MACF1: variants seen among roughly 807,000 people sequenced by gnomAD.
MACF1 encodes the protein microtubule actin crosslinking factor 1, also known as microtubule-actin cross-linking factor 1.
A neutral mutation model predicts 854.8 loss-of-function variants in MACF1; 193 were observed. That is an observed-to-expected ratio of 0.23 (90% CI 0.20 to 0.25). MACF1 has a LOEUF of 0.25. MACF1 is among the 10% of genes least tolerant of loss of function. The probability of loss-of-function intolerance (pLI) is 1.00; values close to 1 mark genes in which losing one functional copy is unlikely to be tolerated. For missense variants in MACF1, 7,722 were observed against 8,929.1 expected (o/e 0.86, Z 5.45); for synonymous variants, 3,185 against 3,226.7 (o/e 0.99, Z 0.44).
chr1:39,481,078 C>T (rs1246893664), intron 99 of MACF1, 48 bp downstream of exon 99: 11 of 1,157,236 alleles, frequency 9.5e-6, no homozygotes, highest in African/African-American at 7.7e-5. Flanking sequence ...ACGAGGCCCT[C>T]GCTACTGGAC....
intron 2 of MACF1, among the ~76,000 whole-genome samples, chr1:39,174,392 T>C (rs907782623): frequency 6.6e-6 from 1 of 152,224 alleles, no homozygotes; most frequent in African/African-American, 2.4e-5. Context: ...CAGTAAATAT[T>C]ACTGCTACTG....
Position 39,359,267 on chromosome 1 carries a change from A to G in MACF1, c.12244+3A>G. The G allele has an allele frequency of 6.2e-7, 1 of 1,614,162 alleles. No individual in the cohort carries two copies. Among genetic ancestry groups the G allele is most frequent in the Non-Finnish European group, 8.5e-7 (1 of 1,180,004 alleles). On this transcript the variant is annotated splice_donor_region_variant and intron_variant, in intron 47 of 100. Coordinates refer to ENST00000564288, the MANE Select transcript of MACF1 (RefSeq NM_001394062.1). The stretch of plus-strand genomic sequence containing the variant: ...CAGGCATGTTCAAGAAACTACAGGT[A>G]TAAAGCAGCAACAGTATAATAGTAC...
In MACF1 at chr1:39,292,018, A is replaced by G. The variant is rs905222447; in HGVS notation, c.1894A>G (p.Lys632Glu). The G allele has an allele frequency of 6.2e-7, 1 of 1,613,860 alleles. No homozygotes were observed. Among genetic ancestry groups the G allele is most frequent in the African/African-American group, 1.3e-5 (1 of 74,908 alleles). Residue 632 changes from lysine to glutamate, a missense_variant, in exon 16 of 101, where the codon AAG becomes GAG. Coordinates refer to ENST00000564288, the MANE Select transcript of MACF1 (RefSeq NM_001394062.1). ...TGTAGAAGAGCTGGGCTCAAGTGTC[A>G]AGGAGGCCAGGTTGTATGAGGTGCG... ...TSVEELGSSV[K>E]EARLYEGKMS...
At chr1:39,243,790 T>C (rs1346863531) in intron 2 of MACF1, among the ~76,000 whole-genome samples, 1 of 152,162 alleles carries the variant, frequency 6.6e-6, no homozygotes, top group Non-Finnish European at 1.5e-5. Context: ...GCAGAAGAGA[T>C]GAGGATTTTA....
chr1:39,109,215 A>G (rs1642330104), intron 2 of MACF1, among the ~76,000 whole-genome samples: 4 of 152,170 alleles, frequency 2.6e-5, no homozygotes, highest in South Asian at 4.1e-4. Flanking sequence ...CTTGGGATTC[A>G]TGAGAATATA....
At chr1:39,432,133 C>T (rs1643885698) in intron 66 of MACF1, among the ~76,000 whole-genome samples, 1 of 152,194 alleles carries the variant, frequency 6.6e-6, no homozygotes, top group Non-Finnish European at 1.5e-5. Flanking sequence ...TCCGAGTTAA[C>T]TTGACTCATC....
Position 39,430,076 on chromosome 1 carries a change from G to A in MACF1, c.17130+8G>A, listed in dbSNP as rs756491271. The A allele has an allele frequency of 1.2e-6, 2 of 1,604,552 alleles. No homozygotes were observed. The highest frequency in any genetic ancestry group is 4.5e-5 in the East Asian group (2 of 44,786). ...TTTCAGCAGAGACAGAAGGTGAGCT[G>A]TTACTTTACCATAAAAAGAAAAAAA... On this transcript the variant is annotated splice_region_variant and intron_variant, in intron 65 of 100. Coordinates refer to ENST00000564288, the MANE Select transcript of MACF1 (RefSeq NM_001394062.1).
At chr1:39,268,987 C>T in intron 6 of MACF1, 1 of 1,287,144 alleles carries the variant, frequency 7.8e-7, no homozygotes, top group Non-Finnish European at 1.0e-6. Context: ...GCCCCCAACT[C>T]ACGGGTAGTC....
intron 70 of MACF1, chr1:39,436,379 C>A: frequency 8.3e-7 from 1 of 1,206,354 alleles, no homozygotes; most frequent in South Asian, 1.2e-5. Context: ...TCCCATCTCT[C>A]ACTCACATTG....
In MACF1 at chr1:39,387,744, A is replaced by T; in HGVS notation, c.14902A>T (p.Ile4968Phe). The change falls in exon 58 of 101, where the codon ATT becomes TTT. Residue 4968 changes from isoleucine (I) to phenylalanine (F), a missense_variant. Coordinates refer to ENST00000564288, the MANE Select transcript of MACF1 (RefSeq NM_001394062.1). ...LLEILNSAAD[I>F]LINSSEADED... ...GGAAATATTGAATAGTGCTGCTGACATTCTGATCAATTCTTCAGAAGCAGA... is the reference window on the plus strand; with the variant it reads ...GGAAATATTGAATAGTGCTGCTGACTTTCTGATCAATTCTTCAGAAGCAGA... The T allele has an allele frequency of 6.2e-7, 1 of 1,614,162 alleles. No homozygotes were observed. Among genetic ancestry groups the T allele is most frequent in the Non-Finnish European group, 8.5e-7 (1 of 1,180,026 alleles).
At chr1:39,262,716 G>C (rs934110994) in intron 6 of MACF1, among the ~76,000 whole-genome samples, 14 of 152,198 alleles carry the variant, frequency 9.2e-5, no homozygotes, top group African/African-American at 2.7e-4. Context: ...CTTTGGCCTA[G>C]TCTGTCTTCT....
intron 41 of MACF1, among the ~76,000 whole-genome samples, chr1:39,348,445 T>C (rs1647105364): frequency 6.6e-6 from 1 of 152,250 alleles, no homozygotes; most frequent in Admixed American, 6.5e-5. Flanking sequence ...AGAAATGCTC[T>C]GCTTCTCTCA....
chr1:39,290,438 G>A (rs896652200), intron 15 of MACF1, among the ~76,000 whole-genome samples: 1 of 152,070 alleles, frequency 6.6e-6, no homozygotes, highest in African/African-American at 2.4e-5. Flanking sequence ...CTATAGCTCT[G>A]CAGTATAATT....
At chr1:39,462,087 A>G in intron 93 of MACF1, 50 bp downstream of exon 93, 2 of 1,586,014 alleles carry the variant, frequency 1.3e-6, no homozygotes, top group Middle Eastern at 1.7e-4. Flanking sequence ...TAGGTTTGTA[A>G]TATCCTGAAT....
Position 39,319,745 on chromosome 1 carries a change from A to G in MACF1, c.4027A>G (p.Lys1343Glu). The G allele has an allele frequency of 6.2e-7, 1 of 1,608,698 alleles. No individual in the cohort carries two copies. Among genetic ancestry groups the G allele is most frequent in the Non-Finnish European group, 8.5e-7 (1 of 1,176,254 alleles). ...KFSQQYSTIV[K>E]DYELQLMTYK... ...TTCCCAGCAGTACTCTACTATTGTAAAGGTAACTTTACCACATCCCAAAAA... is the reference window on the plus strand; with the variant it reads ...TTCCCAGCAGTACTCTACTATTGTAGAGGTAACTTTACCACATCCCAAAAA... The change falls in exon 31 of 101, where the codon AAG (lysine) becomes GAG (glutamate). Residue 1343 changes from lysine (K) to glutamate (E), a missense_variant and splice_region_variant. Around this residue, in one of 15 missense-constraint regions of MACF1, gnomAD observed 1,137 missense variants for 1,263.0 expected, o/e 0.90. Coordinates refer to ENST00000564288, the MANE Select transcript of MACF1 (RefSeq NM_001394062.1).
intron 28 of MACF1, among the ~76,000 whole-genome samples, chr1:39,316,866 G>C (rs1045513650): frequency 6.6e-6 from 1 of 152,198 alleles, no homozygotes; most frequent in Admixed American, 6.5e-5. Context: ...CACTCTGTGA[G>C]GTGGACAAGA....
intron 2 of MACF1, among the ~76,000 whole-genome samples, chr1:39,185,239 C>A (rs1255247204): frequency 6.6e-6 from 1 of 151,118 alleles, no homozygotes; most frequent in Non-Finnish European, 1.5e-5. Context: ...TTGCAGTGAG[C>A]CGACATGGCA....
In MACF1 at chr1:39,460,833, G is replaced by C. The variant is rs762992362; in HGVS notation, c.21523+39G>C. ...TCATTCCAAACATGGGTCACACCTG[G>C]ATTCCTTGCACTTTGTAGAAGCTGT... On this transcript the variant is annotated intron_variant, in intron 92 of 100. Coordinates refer to ENST00000564288, the MANE Select transcript of MACF1 (RefSeq NM_001394062.1). The surrounding 1 kb of genome is among the most constrained non-coding windows in gnomAD (Gnocchi z 4.1). 8.1e-6 allele frequency: 13 copies of C among 1,608,634 alleles called. No homozygotes were observed. The highest frequency in any genetic ancestry group is 1.0e-5 in the Non-Finnish European group (12 of 1,175,388).
chr1:39,218,499 A>C (rs982488085), intron 1 of MACF1, among the ~76,000 whole-genome samples: 2 of 152,226 alleles, frequency 1.3e-5, no homozygotes, highest in African/African-American at 4.8e-5. Context: ...TTCATCTTTA[A>C]GATGATTTTT....
Sources: allele counts gnomAD v4.1 joint callset (sites outside exome capture counted in the v4.1 genomes callset), GRCh38; gene constraint gnomAD v4.1.1; regional missense constraint gnomAD v4.1.1; non-coding constraint Gnocchi (gnomAD v3.1); transcripts MANE v1.5; gene names NCBI Gene and HGNC (gene_info 2026-07-23, HGNC 2026-07-21).